Variants in DEPDC5 observed in about 807,000 individuals in gnomAD.
DEPDC5 encodes the protein GATOR1 complex protein DEPDC5.
A neutral mutation model predicts 217.3 loss-of-function variants in DEPDC5; 73 were observed. The ratio of observed to expected loss-of-function variants is 0.34; its 90% CI spans 0.28 to 0.41. The LOEUF (loss-of-function observed/expected upper bound fraction) is 0.41, where lower values mean the gene tolerates loss of function less well. Ranked by LOEUF, DEPDC5 falls within the 10% of genes least tolerant of loss-of-function variation. The pLI, the probability that DEPDC5 is intolerant of heterozygous loss-of-function variation, is 1.00. For synonymous variants in DEPDC5, 733 were observed against 756.7 expected (o/e 0.97, Z 0.51); for missense variants, 1,675 against 2,070.1 (o/e 0.81, Z 3.70).
At chr22:31,836,152 C>A (rs2090978802) in intron 25 of DEPDC5, among the ~76,000 whole-genome samples, 1 of 152,228 alleles carries the variant, frequency 6.6e-6, no homozygotes, top group South Asian at 2.1e-4. Context: ...TTCCCTCCCC[C>A]AGGGGAACAT....
At chr22:31,810,317 T>G (rs2088126577) in intron 19 of DEPDC5, among the ~76,000 whole-genome samples, 1 of 152,180 alleles carries the variant, frequency 6.6e-6, no homozygotes, top group South Asian at 2.1e-4. Flanking sequence ...CGTCATTTAG[T>G]CTCTACTTGA....
chr22:31,810,607 G>T lies in DEPDC5; in HGVS notation c.1411G>T (p.Gly471Cys). ...TGACGCTCAAGTGTTCAGGCTGCCCGGCCCATCCCGGGCCCAGTGCCTCAC... is the reference window on the plus strand; with the variant it reads ...TGACGCTCAAGTGTTCAGGCTGCCCTGCCCATCCCGGGCCCAGTGCCTCAC... The part of the protein sequence containing the change: ...AYDAQVFRLP[G>C]PSRAQCLTTC... The change falls in exon 20 of 43, where the codon GGC becomes TGC. Residue 471 changes from glycine (G) to cysteine (C), a missense_variant. Around this residue, in one of 11 missense-constraint regions of DEPDC5, gnomAD observed 628 missense variants for 762.1 expected, o/e 0.82. Transcript: ENST00000651528. 6.2e-7 allele frequency: 1 copy of T among 1,614,130 alleles called. No homozygotes were observed. Among genetic ancestry groups the T allele is most frequent in the Non-Finnish European group, 8.5e-7 (1 of 1,180,028 alleles).
chr22:31,881,569 G>GAGC (rs1191334820), intron 38 of DEPDC5, among the ~76,000 whole-genome samples: 1 of 152,090 alleles, frequency 6.6e-6, no homozygotes, highest in Non-Finnish European at 1.5e-5. Flanking sequence ...AAACCACCTA[G>GAGC]AGCACTACCA....
chr22:31,890,008 C>T (rs902238257), intron 38 of DEPDC5, among the ~76,000 whole-genome samples: 1 of 152,076 alleles, frequency 6.6e-6, no homozygotes, highest in Admixed American at 6.6e-5. Flanking sequence ...TCAGATTGAA[C>T]ATTGGCAAAC....
intron 25 of DEPDC5, among the ~76,000 whole-genome samples, chr22:31,834,771 C>T (rs552964827): frequency 7.9e-5 from 12 of 151,500 alleles, no homozygotes; most frequent in East Asian, 3.9e-4. Flanking sequence ...CCTCGTGATC[C>T]GCCCGCCTTG....
intron 39 of DEPDC5, among the ~76,000 whole-genome samples, chr22:31,896,523 C>T (rs1042519766): frequency 6.8e-6 from 1 of 146,556 alleles, no homozygotes; most frequent in Non-Finnish European, 1.5e-5. Flanking sequence ...ATCGATCAAC[C>T]TTTTTTTTTT....
In DEPDC5 at chr22:31,874,110, T is replaced by C. The variant is rs561103919; in HGVS notation, c.3564-163T>C. On this transcript the variant is annotated intron_variant, in intron 35 of 42. Coordinates refer to ENST00000651528, the MANE Select transcript of DEPDC5 (RefSeq NM_001242896.3). Reference sequence around the variant, plus strand: ...GCTGGGCCCCCGGTAACAGTTTCTTTTGTCCTCTCATGGGTGTTTCTCTGA... The same window carrying C: ...GCTGGGCCCCCGGTAACAGTTTCTTCTGTCCTCTCATGGGTGTTTCTCTGA... The C allele has an allele frequency of 2.1e-5, 24 of 1,148,284 alleles. No homozygotes were observed. The East Asian group carries it at 6.2e-4, about 30-fold the overall frequency. The allele number at this position is 1,148,284 out of a possible 1,614,324, so 71.1% of individuals were successfully genotyped here.
At chr22:31,780,395 T>G (rs1474545622) in intron 8 of DEPDC5, among the ~76,000 whole-genome samples, 1 of 152,202 alleles carries the variant, frequency 6.6e-6, no homozygotes, top group Non-Finnish European at 1.5e-5. Context: ...TAGGAAGCTC[T>G]GTTTGGGAAA....
intron 18 of DEPDC5, among the ~76,000 whole-genome samples, chr22:31,806,673 G>C (rs1367860296): frequency 6.6e-6 from 1 of 152,162 alleles, no homozygotes; most frequent in Non-Finnish European, 1.5e-5. Flanking sequence ...TTGCAGCAAA[G>C]GGGAAATATG....
intron 40 of DEPDC5, among the ~76,000 whole-genome samples, chr22:31,900,581 A>G (rs1403873546): frequency 6.6e-6 from 1 of 151,564 alleles, no homozygotes; most frequent in Non-Finnish European, 1.5e-5. Flanking sequence ...TTTACTAAAA[A>G]CACAAAAATT....
chr22:31,808,787 C>A (rs2087879230), intron 18 of DEPDC5, among the ~76,000 whole-genome samples: 1 of 151,942 alleles, frequency 6.6e-6, no homozygotes, highest in East Asian at 1.9e-4. Context: ...GGCTGGTACT[C>A]CTGACAACCT....
At chr22:31,811,636 G>C (rs1254008868) in intron 20 of DEPDC5, among the ~76,000 whole-genome samples, 1 of 150,416 alleles carries the variant, frequency 6.6e-6, no homozygotes, top group East Asian at 2.0e-4. Context: ...TGTAACCTCT[G>C]CCTCCTGGGC....
chr22:31,765,724 G>A (rs1443114132), intron 5 of DEPDC5, among the ~76,000 whole-genome samples: 1 of 151,966 alleles, frequency 6.6e-6, no homozygotes, highest in Non-Finnish European at 1.5e-5. Context: ...ACCTTGTCTT[G>A]TAAAACTAAA....
chr22:31,887,093 AAAAG>A (rs1458582868), intron 38 of DEPDC5, among the ~76,000 whole-genome samples: 3 of 150,852 alleles, frequency 2.0e-5, no homozygotes, highest in South Asian at 4.2e-4. Flanking sequence ...GAAAAAAAAA[AAAAG>A]AGAGAGAGAG....
At chr22:31,856,680 A>G (rs901306465) in intron 31 of DEPDC5, among the ~76,000 whole-genome samples, 2 of 152,328 alleles carry the variant, frequency 1.3e-5, no homozygotes, top group East Asian at 1.9e-4. Context: ...TGATGTAGCT[A>G]TGTACATTTG....
chr22:31,763,661 T>C (rs1289200801), intron 4 of DEPDC5, among the ~76,000 whole-genome samples: 1 of 151,622 alleles, frequency 6.6e-6, no homozygotes, highest in Non-Finnish European at 1.5e-5. Context: ...CTTGAACTCC[T>C]GGGCCCAAGC....
At chr22:31,879,161 CAT>C (rs899531579) in intron 37 of DEPDC5, among the ~76,000 whole-genome samples, 11 of 146,096 alleles carry the variant, frequency 7.5e-5, no homozygotes, top group Admixed American at 2.1e-4. Flanking sequence ...GTGAAATTCA[CAT>C]GATATAAAAT....
At chr22:31,901,827 A>C in intron 41 of DEPDC5, 25 bp downstream of exon 41, 1 of 1,607,322 alleles carries the variant, frequency 6.2e-7, no homozygotes. Context: ...AAGTGTGAAG[A>C]GTGGGAAGGA....
intron 33 of DEPDC5, among the ~76,000 whole-genome samples, chr22:31,867,999 A>G (rs1225061959): frequency 6.6e-6 from 1 of 152,154 alleles, no homozygotes; most frequent in East Asian, 1.9e-4. Context: ...AATTTACGGC[A>G]TGGTCTCATT....
Sources: allele counts gnomAD v4.1 joint callset (sites outside exome capture counted in the v4.1 genomes callset), GRCh38; gene constraint gnomAD v4.1.1; regional missense constraint gnomAD v4.1.1; transcripts MANE v1.5; gene names NCBI Gene and HGNC (gene_info 2026-07-23, HGNC 2026-07-21).